The following DTNA variants were observed in gnomAD, a reference collection of about 807,000 sequenced individuals.
The protein encoded by DTNA is dystrophin-related protein 3.
A neutral mutation model predicts 100.7 loss-of-function variants in DTNA; 43 were observed. The observed-to-expected ratio is 0.43, with a 90% CI of 0.33 to 0.55. The LOEUF (loss-of-function observed/expected upper bound fraction) is 0.55, where lower values mean the gene tolerates loss of function less well. Among genes scored for constraint, DTNA ranks in the 20% least tolerant of loss-of-function variants. The pLI is 0.04. For missense variants in DTNA, 798 were observed against 953.9 expected (o/e 0.84, Z 2.15); for synonymous variants, 349 against 347.9 (o/e 1.00, Z -0.04).
At chr18:34,798,326 G>T (rs1602220028) in intron 4 of DTNA, among the ~76,000 whole-genome samples, 1 of 152,066 alleles carries the variant, frequency 6.6e-6, no homozygotes, top group East Asian at 1.9e-4. Context: ...CTTTTTCTGA[G>T]ATTAAGTCTT....
chr18:34,698,790 C>T (rs2080965861), intron 1 of DTNA, among the ~76,000 whole-genome samples: 1 of 152,046 alleles, frequency 6.6e-6, no homozygotes, highest in Non-Finnish European at 1.5e-5. Flanking sequence ...CGTTCTTTTG[C>T]CTGCTTTTAT....
intron 13 of DTNA, among the ~76,000 whole-genome samples, chr18:34,847,207 C>T (rs527600487): frequency 9.9e-5 from 15 of 152,210 alleles, no homozygotes; most frequent in East Asian, 3.9e-4. Flanking sequence ...GAATTAGTAA[C>T]GCTTCTATTT....
At chr18:34,840,477 C>G (rs1269186314) in intron 13 of DTNA, among the ~76,000 whole-genome samples, 1 of 152,084 alleles carries the variant, frequency 6.6e-6, no homozygotes, top group African/African-American at 2.4e-5. Flanking sequence ...ATGTCCTCTT[C>G]CCATAATTCT....
chr18:34,549,931 A>G (rs111448192), intron 1 of DTNA, among the ~76,000 whole-genome samples: 2,206 of 152,198 alleles, frequency 0.014, 55 homozygotes, highest in African/African-American at 0.049. Flanking sequence ...ATTTGTCTTG[A>G]TGAATTCTGG....
chr18:34,643,990 G>A (rs1281771963), intron 1 of DTNA, among the ~76,000 whole-genome samples: 1 of 152,018 alleles, frequency 6.6e-6, no homozygotes, highest in Non-Finnish European at 1.5e-5. Context: ...TGTATATTAT[G>A]TTGTTCTCTC....
chr18:34,579,147 T>C (rs943214102), intron 1 of DTNA, among the ~76,000 whole-genome samples: 2 of 152,148 alleles, frequency 1.3e-5, no homozygotes, highest in Non-Finnish European at 2.9e-5. Context: ...AAAATAACCA[T>C]GTAAGAACCT....
chr18:34,553,357 T>C (rs1395791832), intron 1 of DTNA, among the ~76,000 whole-genome samples: 3 of 151,388 alleles, frequency 2.0e-5, no homozygotes, highest in Non-Finnish European at 4.4e-5. Flanking sequence ...GTAGTTTCTT[T>C]TGCTGTGCAG....
At chr18:34,589,469 C>T (rs966437510) in intron 1 of DTNA, among the ~76,000 whole-genome samples, 13 of 151,828 alleles carry the variant, frequency 8.6e-5, no homozygotes, top group Non-Finnish European at 1.6e-4. Flanking sequence ...ATTAGCTGGG[C>T]GTGGTGGTGG....
intron 1 of DTNA, among the ~76,000 whole-genome samples, chr18:34,634,932 AG>A (rs2058499463): frequency 6.6e-6 from 1 of 152,300 alleles, no homozygotes; most frequent in Non-Finnish European, 1.5e-5. Context: ...TTGCATCATC[AG>A]TGCAAATGGT....
chr18:34,516,467 C>T (rs1243226191), intron 1 of DTNA, among the ~76,000 whole-genome samples: 3 of 152,052 alleles, frequency 2.0e-5, no homozygotes, highest in African/African-American at 7.2e-5. Flanking sequence ...GACAACTGGT[C>T]TGACTAAAAT....
chr18:34,772,230 A>G (rs1436930008), intron 3 of DTNA, among the ~76,000 whole-genome samples: 1 of 152,224 alleles, frequency 6.6e-6, no homozygotes, highest in Non-Finnish European at 1.5e-5. Context: ...AAAGAGGAGA[A>G]AAGGTCTATA....
chr18:34,885,511 C>T (rs2096913635), intron 22 of DTNA, among the ~76,000 whole-genome samples: 1 of 152,188 alleles, frequency 6.6e-6, no homozygotes, highest in African/African-American at 2.4e-5. Flanking sequence ...CTAATAGACC[C>T]ATTTCAAATA....
intron 1 of DTNA, among the ~76,000 whole-genome samples, chr18:34,737,404 T>C (rs2089827025): frequency 6.6e-6 from 1 of 152,228 alleles, no homozygotes; most frequent in African/African-American, 2.4e-5. Context: ...GCCACATTTT[T>C]CTGTCTCTTA....
intron 1 of DTNA, among the ~76,000 whole-genome samples, chr18:34,496,458 C>G (rs1470210596): frequency 2.0e-5 from 3 of 152,190 alleles, no homozygotes; most frequent in African/African-American, 7.2e-5. Context: ...TTTCTAGCGT[C>G]TGTTACTTAT....
chr18:34,561,578 C>T (rs555894132), intron 1 of DTNA, among the ~76,000 whole-genome samples: 31 of 151,936 alleles, frequency 2.0e-4, no homozygotes, highest in Non-Finnish European at 2.9e-4. Context: ...TAATGAATAA[C>T]AGGTTGGGCA....
At chr18:34,682,025 G>T (rs2078203162) in intron 1 of DTNA, among the ~76,000 whole-genome samples, 1 of 152,072 alleles carries the variant, frequency 6.6e-6, no homozygotes, top group Non-Finnish European at 1.5e-5. Context: ...CCTTTTCTGA[G>T]ATGTCATATA....
At chr18:34,780,624 A>G (rs1418474866) in intron 3 of DTNA, among the ~76,000 whole-genome samples, 2 of 152,232 alleles carry the variant, frequency 1.3e-5, no homozygotes, top group Non-Finnish European at 2.9e-5. Context: ...AAGAATCAGA[A>G]TCTGCTTCAA....
chr18:34,862,276 TATG>T (rs934173162), intron 16 of DTNA, among the ~76,000 whole-genome samples: 7 of 151,796 alleles, frequency 4.6e-5, no homozygotes, highest in Non-Finnish European at 1.0e-4. Flanking sequence ...CATATAAAAT[TATG>T]ATGTTTCTCA....
chr18:34,842,971 G>C (rs765706162), intron 13 of DTNA, among the ~76,000 whole-genome samples: 17 of 151,980 alleles, frequency 1.1e-4, no homozygotes, highest in Non-Finnish European at 2.1e-4. Context: ...TCTCCAACTT[G>C]TTCACCACCT....
Sources: gnomAD v4.1 joint callset for allele counts (sites outside exome capture counted in the v4.1 genomes callset) on GRCh38, gnomAD v4.1.1 for gene constraint, MANE v1.5 for transcripts, NCBI Gene and HGNC (gene_info 2026-07-23, HGNC 2026-07-21) for gene names.